Variants in PDE4D observed in about 807,000 individuals in gnomAD.
The protein encoded by PDE4D is phosphodiesterase 4D.
A neutral mutation model predicts 87.4 loss-of-function variants in PDE4D; 24 were observed. The ratio of observed to expected loss-of-function variants is 0.27; its 90% CI spans 0.20 to 0.39. The LOEUF is 0.39. Among genes scored for constraint, PDE4D ranks in the 10% least tolerant of loss-of-function variants. The pLI is 1.00. For missense variants in PDE4D, 714 were observed against 1,041.0 expected, an observed-to-expected ratio of 0.69 and a Z score of 4.32; for synonymous variants, 384 against 383.2, an observed-to-expected ratio of 1.00 and a Z score of -0.02.
At chr5:59,947,174 C>T (rs1173542089) in intron 3 of PDE4D, among the ~76,000 whole-genome samples, 1 of 152,202 alleles carries the variant, frequency 6.6e-6, no homozygotes, top group Non-Finnish European at 1.5e-5. Flanking sequence ...TTACATTTGG[C>T]TATTTCCAAA....
At chr5:59,117,133 C>T (rs1179971409) in intron 5 of PDE4D, among the ~76,000 whole-genome samples, 2 of 152,114 alleles carry the variant, frequency 1.3e-5, no homozygotes, top group Admixed American at 6.6e-5. Flanking sequence ...ACCCAACATC[C>T]CAGGATACAA....
chr5:59,312,977 G>A (rs1392791903), intron 1 of PDE4D, among the ~76,000 whole-genome samples: 2 of 152,096 alleles, frequency 1.3e-5, no homozygotes, highest in African/African-American at 2.4e-5. Context: ...CCCTCTTTGT[G>A]ATAAGCTGGA....
chr5:59,286,861 CT>C (rs2153552566), intron 1 of PDE4D, among the ~76,000 whole-genome samples: 2 of 152,244 alleles, frequency 1.3e-5, no homozygotes, highest in East Asian at 3.9e-4. Context: ...TATGTTGGTT[CT>C]TTCCTTGGAA....
chr5:60,201,608 T>C (rs1283537788), intron 1 of PDE4D, among the ~76,000 whole-genome samples: 1 of 152,180 alleles, frequency 6.6e-6, no homozygotes, highest in Non-Finnish European at 1.5e-5. Context: ...GAGTCCCACA[T>C]TCCCATCACA....
chr5:59,627,421 T>TA (rs1579967990), intron 1 of PDE4D, among the ~76,000 whole-genome samples: 1 of 152,232 alleles, frequency 6.6e-6, no homozygotes, highest in East Asian at 1.9e-4. Flanking sequence ...AACTGGAGCA[T>TA]ATTCTAAGTT....
intron 3 of PDE4D, among the ~76,000 whole-genome samples, chr5:59,915,885 T>A (rs1426224525): frequency 6.6e-6 from 1 of 152,214 alleles, no homozygotes; most frequent in African/African-American, 2.4e-5. Flanking sequence ...TTGTACATAA[T>A]CCTTTGAAAA....
At chr5:59,435,148 G>A (rs181315013) in intron 1 of PDE4D, among the ~76,000 whole-genome samples, 1 of 152,030 alleles carries the variant, frequency 6.6e-6, no homozygotes, top group East Asian at 1.9e-4. Flanking sequence ...GTTTTGCCTA[G>A]AGTTAATATT....
chr5:59,380,872 CT>C (rs1368586019), intron 1 of PDE4D, among the ~76,000 whole-genome samples: 5 of 152,068 alleles, frequency 3.3e-5, no homozygotes, highest in Non-Finnish European at 5.9e-5. Flanking sequence ...CTGCCCACTA[CT>C]TTTTTTCATT....
intron 3 of PDE4D, among the ~76,000 whole-genome samples, chr5:59,903,998 C>T (rs1752556856): frequency 6.6e-6 from 1 of 152,150 alleles, no homozygotes. Flanking sequence ...TTAGTTTCCT[C>T]ATCTGTAAAA....
chr5:59,288,186 A>G (rs770982259), intron 1 of PDE4D, among the ~76,000 whole-genome samples: 1 of 152,134 alleles, frequency 6.6e-6, no homozygotes, highest in African/African-American at 2.4e-5. Context: ...AGGAAACTCA[A>G]TGGAATTCAA....
intron 1 of PDE4D, among the ~76,000 whole-genome samples, chr5:59,680,928 T>C (rs916549306): frequency 6.6e-6 from 1 of 152,120 alleles, no homozygotes; most frequent in South Asian, 2.1e-4. Flanking sequence ...TATCTGAATA[T>C]ACCCATGGAT....
chr5:60,048,797 C>T (rs1223639188), intron 2 of PDE4D, among the ~76,000 whole-genome samples: 8 of 152,128 alleles, frequency 5.3e-5, no homozygotes, highest in Non-Finnish European at 8.8e-5. Flanking sequence ...CTGCCCTTAA[C>T]ATTTTTTCCT....
intron 5 of PDE4D, among the ~76,000 whole-genome samples, chr5:59,146,490 A>T (rs189544537): frequency 9.8e-5 from 15 of 152,336 alleles, no homozygotes; most frequent in African/African-American, 3.6e-4. Flanking sequence ...GAAGTGCCAC[A>T]TTCTCAAAGC....
intron 1 of PDE4D, among the ~76,000 whole-genome samples, chr5:59,837,267 C>A (rs1276786469): frequency 6.6e-6 from 1 of 152,068 alleles, no homozygotes. Context: ...AACTATCTGT[C>A]TAATTCTACC....
chr5:59,171,936 A>G (rs1486758425), intron 5 of PDE4D, among the ~76,000 whole-genome samples: 1 of 118,070 alleles, frequency 8.5e-6, no homozygotes, highest in Non-Finnish European at 1.6e-5. Flanking sequence ...TAAATATTAT[A>G]TTTATTTATA....
chr5:59,031,365 A>ATATATATATATATATATATATATAT, intron 6 of PDE4D, among the ~76,000 whole-genome samples: 1 of 32,226 alleles, frequency 3.1e-5, no homozygotes, highest in African/African-American at 8.6e-5. Flanking sequence ...AAAATGTGAT[A>ATATATATATATATATATATATATAT]TATATATATA....
chr5:60,053,686 C>A (rs912883752), intron 2 of PDE4D, among the ~76,000 whole-genome samples: 4 of 152,136 alleles, frequency 2.6e-5, no homozygotes, highest in Admixed American at 6.6e-5. Context: ...CCAAAATTGA[C>A]AAATGGAATC....
intron 1 of PDE4D, among the ~76,000 whole-genome samples, chr5:59,618,454 A>G (rs1295767900): frequency 6.6e-6 from 1 of 152,190 alleles, no homozygotes. Context: ...ACCTGACAAA[A>G]GAACAGAACA....
At chr5:59,566,162 A>C (rs547276614) in intron 1 of PDE4D, among the ~76,000 whole-genome samples, 2 of 152,214 alleles carry the variant, frequency 1.3e-5, no homozygotes, top group South Asian at 4.1e-4. Flanking sequence ...GATGGGCCAT[A>C]TTTTGACTTT....
Sources: allele counts gnomAD v4.1 joint callset (sites outside exome capture counted in the v4.1 genomes callset), GRCh38; gene constraint gnomAD v4.1.1; transcripts MANE v1.5; gene names NCBI Gene and HGNC (gene_info 2026-07-23, HGNC 2026-07-21).